TLE2: variants seen among roughly 807,000 people sequenced by gnomAD.
The protein encoded by TLE2 is transducin-like enhancer protein 2.
Under a neutral mutation model 97.2 loss-of-function variants are expected in TLE2, and 74 were observed. The ratio of observed to expected loss-of-function variants is 0.76; its 90% CI spans 0.63 to 0.92. The LOEUF (loss-of-function observed/expected upper bound fraction) is 0.92, where lower values mean the gene tolerates loss of function less well. TLE2 is among the 40% of genes least tolerant of loss of function. The probability of loss-of-function intolerance (pLI) is 0.00; values close to 1 mark genes in which losing one functional copy is unlikely to be tolerated. For synonymous variants in TLE2, 499 were observed against 432.1 expected, an observed-to-expected ratio of 1.15 and a Z score of -1.92; for missense variants, 1,038 against 1,008.7, an observed-to-expected ratio of 1.03 and a Z score of -0.39.
intron 7 of TLE2, 39 bp from the exon 8 acceptor site, chr19:3,017,898 A>G: frequency 6.2e-7 from 1 of 1,607,070 alleles, no homozygotes; most frequent in East Asian, 2.2e-5. Context: ...AAGAAGGAGA[A>G]AGAATGAGGC....
intron 11 of TLE2, among the ~76,000 whole-genome samples, chr19:3,013,098 G>GT (rs1321374588): frequency 6.6e-6 from 1 of 152,158 alleles, no homozygotes; most frequent in Non-Finnish European, 1.5e-5. Flanking sequence ...CTCTTCCCTG[G>GT]TAAGTGTAGG....
intron 14 of TLE2, 55 bp from the exon 15 acceptor site, chr19:3,006,724 CACCTGG>C: frequency 6.6e-7 from 1 of 1,523,196 alleles, no homozygotes; most frequent in Non-Finnish European, 8.9e-7. Context: ...CCCGCACCCG[CACCTGG>C]GAGGGCAGGG....
chr19:3,009,836 C>A (rs12461752), intron 12 of TLE2, 134 bp from the exon 13 acceptor site: 5 of 1,016,008 alleles, frequency 4.9e-6, no homozygotes, highest in South Asian at 1.7e-5. Context: ...CCTGGGACAC[C>A]TCCAGACCTC....
At chr19:3,036,344 C>G (rs1168312052) in intron 1 of TLE2, among the ~76,000 whole-genome samples, 1 of 152,242 alleles carries the variant, frequency 6.6e-6, no homozygotes, top group Non-Finnish European at 1.5e-5. Context: ...CCCGCGCTCT[C>G]CCGCCCGTCG....
At chr19:3,039,045 A>G (rs1029305745) in intron 1 of TLE2, among the ~76,000 whole-genome samples, 9 of 135,464 alleles carry the variant, frequency 6.6e-5, no homozygotes, top group Non-Finnish European at 1.1e-4. Flanking sequence ...CCACGACTCA[A>G]AAAAAAAATA....
At chr19:2,998,434 TGCCTG>T (rs2089274719) in intron 19 of TLE2, among the ~76,000 whole-genome samples, 1 of 151,806 alleles carries the variant, frequency 6.6e-6, no homozygotes, top group Non-Finnish European at 1.5e-5. Flanking sequence ...CATGCCACCA[TGCCTG>T]GCTAATTTTT....
At chr19:3,012,937 C>T (rs1191998244) in intron 11 of TLE2, among the ~76,000 whole-genome samples, 2 of 152,106 alleles carry the variant, frequency 1.3e-5, no homozygotes, top group South Asian at 4.2e-4. Context: ...TCCAATACAA[C>T]GGAGCTGACC....
In TLE2 at chr19:3,019,447, A is replaced by G. The variant is rs1199695504; in HGVS notation, c.386T>C (p.Leu129Pro). 2.6e-6 allele frequency: 4 copies of G among 1,521,736 alleles called. No individual in the cohort carries two copies. The highest frequency in any genetic ancestry group is 3.5e-6 in the Non-Finnish European group (4 of 1,139,200). The allele number at this position is 1,521,736 out of a possible 1,614,324, so 94.3% of individuals were successfully genotyped here. A position where few individuals can be genotyped will look rare whatever the true frequency, so the allele number is the denominator to read the frequency against. Residue 129 changes from leucine to proline, a missense_variant, in exon 7 of 20, where the codon CTG (leucine) becomes CCG (proline). Transcript: ENST00000262953. The surrounding 1 kb of genome is among the most constrained non-coding windows in gnomAD (Gnocchi z 5.1). ...NSLIGQQLQP[L>P]SHHAPPVPLT... ...GGGCACAGGGGGTGCGTGGTGGGAC[A>G]GCGGCTGGAGCTGCTGCTGCTAGAA...
rs779129794 is a variant in TLE2 at position 2,997,669 on chromosome 19, C to T, written c.*179G>A. Reference sequence around the variant, plus strand: ...TGTGATAGATACATTTTATTTCCACCGAGGTCCCCTGCCCATCGGCCCCCA... The same window carrying T: ...TGTGATAGATACATTTTATTTCCACTGAGGTCCCCTGCCCATCGGCCCCCA... On this transcript the variant is annotated 3_prime_UTR_variant, in exon 20 of 20. Coordinates refer to ENST00000262953, the MANE Select transcript of TLE2 (RefSeq NM_003260.5). The T allele has an allele frequency of 2.0e-4, 114 of 582,666 alleles. No homozygotes were observed. The highest frequency in any genetic ancestry group is 1.1e-3 in the African/African-American group (60 of 53,736). The allele number at this position is 582,666 out of a possible 1,614,324, so 36.1% of individuals were successfully genotyped here.
intron 14 of TLE2, among the ~76,000 whole-genome samples, chr19:3,007,489 A>T (rs375100663): frequency 8.5e-5 from 13 of 152,212 alleles, no homozygotes; most frequent in African/African-American, 3.1e-4. Context: ...GTTTCAAGTG[A>T]TCCTCCCGCC....
intron 9 of TLE2, 56 bp from the exon 10 acceptor site, chr19:3,014,670 C>A: frequency 6.8e-6 from 10 of 1,467,422 alleles, no homozygotes; most frequent in African/African-American, 1.4e-5. Flanking sequence ...CTCCACACCC[C>A]CTATCCGCTC....
intron 17 of TLE2, 136 bp downstream of exon 17, chr19:3,005,301 G>A: frequency 8.1e-7 from 1 of 1,229,894 alleles, no homozygotes; most frequent in Admixed American, 2.8e-5. Flanking sequence ...TGTGTCTGGG[G>A]GACAAGAAAG....
upstream of TLE2, among the ~76,000 whole-genome samples, chr19:3,045,981 C>G (rs767415732): frequency 1.3e-5 from 2 of 152,210 alleles, no homozygotes; most frequent in African/African-American, 4.8e-5. Flanking sequence ...TTTCACTGTA[C>G]CACTCAAGCA....
chr19:3,044,618 C>T (rs572782171), intron 1 of TLE2, among the ~76,000 whole-genome samples: 3 of 152,304 alleles, frequency 2.0e-5, no homozygotes, highest in Non-Finnish European at 4.4e-5. Flanking sequence ...TGGGGTTTCA[C>T]CATGTTGCCC....
chr19:3,029,508 G>A, upstream of TLE2: 3 of 981,458 alleles, frequency 3.1e-6, no homozygotes, highest in Non-Finnish European at 2.4e-6. Flanking sequence ...GGAGGGGCGG[G>A]AGAAGAAAAA....
chr19:3,043,734 C>A (rs555671195), intron 1 of TLE2, among the ~76,000 whole-genome samples: 2 of 151,794 alleles, frequency 1.3e-5, no homozygotes, highest in South Asian at 4.2e-4. Flanking sequence ...GGCGTGAACC[C>A]GGGAGGTGGA....
chr19:3,028,955 AG>A lies in TLE2; in HGVS notation c.-52del, dbSNP rs1405072637. The A allele has an allele frequency of 3.5e-5, 56 of 1,593,930 alleles. No homozygotes were observed. Among genetic ancestry groups the A allele is most frequent in the Non-Finnish European group, 4.8e-5 (56 of 1,171,564 alleles). ...GCGCCACCAGAGCTTGATGATATGG[AG>A]GCGGCAAGAGTGGGGGAGGCTGAAG... On this transcript the variant is annotated 5_prime_UTR_variant, in exon 1 of 20. Transcript: ENST00000262953.
upstream of TLE2, among the ~76,000 whole-genome samples, chr19:3,031,070 A>G (rs1014256455): frequency 6.6e-6 from 1 of 151,982 alleles, no homozygotes; most frequent in African/African-American, 2.4e-5. Context: ...GTAAGGGTGG[A>G]TAAGGGAGAC....
At chr19:3,046,842 C>G (rs1308651017), upstream of TLE2, among the ~76,000 whole-genome samples, 1 of 151,402 alleles carries the variant, frequency 6.6e-6, no homozygotes, top group Non-Finnish European at 1.5e-5. Flanking sequence ...TGGGCCCACC[C>G]CAGTCCTCTC....
Sources: allele counts gnomAD v4.1 joint callset (sites outside exome capture counted in the v4.1 genomes callset), GRCh38; gene constraint gnomAD v4.1.1; non-coding constraint Gnocchi (gnomAD v3.1); transcripts MANE v1.5; gene names NCBI Gene and HGNC (gene_info 2026-07-23, HGNC 2026-07-21).